Variants in FLNB observed in about 807,000 individuals in gnomAD.
FLNB encodes the protein filamin-B.
FLNB carries 111 observed loss-of-function variants against 250.6 expected under a neutral mutation model. That is an observed-to-expected ratio of 0.44 (90% CI 0.38 to 0.52). The LOEUF is 0.52. Among genes scored for constraint, FLNB ranks in the 20% least tolerant of loss-of-function variants. The probability of loss-of-function intolerance (pLI) is 0.00; values close to 1 mark genes in which losing one functional copy is unlikely to be tolerated. For missense variants in FLNB, 2,869 were observed against 3,447.8 expected (o/e 0.83, Z 4.20); for synonymous variants, 1,302 against 1,372.1 (o/e 0.95, Z 1.13).
intron 1 of FLNB, among the ~76,000 whole-genome samples, chr3:58,057,026 C>G (rs2097171661): frequency 6.6e-6 from 1 of 152,208 alleles, no homozygotes. Flanking sequence ...GTTACCCAGG[C>G]TGGCGTGCAG....
intron 9 of FLNB, among the ~76,000 whole-genome samples, chr3:58,103,176 G>A (rs938635982): frequency 1.1e-4 from 17 of 152,164 alleles, no homozygotes; most frequent in African/African-American, 4.1e-4. Flanking sequence ...TGCCCTGAGG[G>A]TAGCCGAGGT....
intron 38 of FLNB, among the ~76,000 whole-genome samples, chr3:58,152,537 G>A (rs975636925): frequency 6.7e-6 from 1 of 150,316 alleles, no homozygotes; most frequent in Admixed American, 6.6e-5. Context: ...TCACAGGGTC[G>A]CTCCACTTTC....
At chr3:58,156,708 T>C (rs149736570) in intron 41 of FLNB, among the ~76,000 whole-genome samples, 317 of 152,270 alleles carry the variant, frequency 2.1e-3, no homozygotes, top group African/African-American at 6.2e-3. Context: ...TGTTTGTTGT[T>C]GTTGTTGAGG....
At chr3:58,121,176 G>A (rs2097288191) in intron 19 of FLNB, 65 bp from the exon 20 acceptor site, 1 of 1,607,308 alleles carries the variant, frequency 6.2e-7, no homozygotes, top group African/African-American at 1.3e-5. Context: ...TTGCTTCTGT[G>A]CTCTGGATTG....
chr3:58,016,756 A>G (rs2097106364), intron 1 of FLNB, among the ~76,000 whole-genome samples: 1 of 151,946 alleles, frequency 6.6e-6, no homozygotes, highest in Admixed American at 6.6e-5. Flanking sequence ...AGTATTCTAA[A>G]TTAAGGAGCT....
chr3:58,021,736 G>A (rs1055463422), intron 1 of FLNB, among the ~76,000 whole-genome samples: 4 of 152,048 alleles, frequency 2.6e-5, no homozygotes, highest in African/African-American at 7.2e-5. Context: ...CCAAAGTTGG[G>A]CATGAGGTCC....
At chr3:58,029,461 T>C (rs913285159) in intron 1 of FLNB, among the ~76,000 whole-genome samples, 1 of 152,000 alleles carries the variant, frequency 6.6e-6, no homozygotes, top group African/African-American at 2.4e-5. Flanking sequence ...CTTTCTTCTG[T>C]TGGGTTTTTT....
chr3:58,010,759 G>A (rs2106665763), intron 1 of FLNB, among the ~76,000 whole-genome samples: 1 of 152,268 alleles, frequency 6.6e-6, no homozygotes, highest in African/African-American at 2.4e-5. Context: ...CCAAACCGCA[G>A]CACTAGCAAA....
At chr3:58,130,055 A>C (rs1330959047) in intron 24 of FLNB, among the ~76,000 whole-genome samples, 1 of 152,150 alleles carries the variant, frequency 6.6e-6, no homozygotes, top group Non-Finnish European at 1.5e-5. Context: ...GCTTACACTC[A>C]GGAAGACGGC....
chr3:58,127,325 CAAAA>C (rs879263542), intron 24 of FLNB, among the ~76,000 whole-genome samples: 1 of 117,884 alleles, frequency 8.5e-6, no homozygotes, highest in Non-Finnish European at 1.8e-5. Context: ...GACCCTGTCT[CAAAA>C]AAAAAAAAAA....
At chr3:58,146,744 T>G (rs775666588) in intron 33 of FLNB, 76 bp from the exon 34 acceptor site, 63 of 1,506,438 alleles carry the variant, frequency 4.2e-5, no homozygotes, top group Non-Finnish European at 5.5e-5. Flanking sequence ...CTGCCCTGGA[T>G]GAGTTGTTAA....
intron 1 of FLNB, among the ~76,000 whole-genome samples, chr3:58,072,611 A>G (rs79825226): frequency 2.2e-3 from 336 of 152,268 alleles, no homozygotes; most frequent in Non-Finnish European, 3.8e-3. Context: ...GCAAGTCGCC[A>G]TCTTTTTATT....
chr3:58,142,734 A>AG lies in FLNB; in HGVS notation c.5268dup (p.Lys1757GlufsTer19). 6.2e-7 allele frequency: 1 copy of AG among 1,614,184 alleles called. No homozygotes were observed. The highest frequency in any genetic ancestry group is 8.5e-7 in the Non-Finnish European group (1 of 1,179,988). ...TGACCTGGTCATTCCGTTTGCTGTC[A>AG]GGAAAGGAGAAATCACTGGTAAGCA... On this transcript the variant is annotated frameshift_variant, in exon 31 of 46. Coordinates refer to ENST00000295956, the MANE Select transcript of FLNB (RefSeq NM_001457.4). LOFTEE classifies it high-confidence loss of function. This position sits in a 1 kb window ranked among gnomAD's most constrained non-coding sequence, Gnocchi z 4.3.
At chr3:58,073,811 T>G (rs1029982481) in intron 1 of FLNB, among the ~76,000 whole-genome samples, 3 of 152,202 alleles carry the variant, frequency 2.0e-5, no homozygotes, top group African/African-American at 7.2e-5. Context: ...CATTTCTGTG[T>G]GATTGTCCCA....
chr3:58,092,755 T>C (rs796199172), intron 4 of FLNB, among the ~76,000 whole-genome samples: 2 of 152,204 alleles, frequency 1.3e-5, no homozygotes, highest in African/African-American at 4.8e-5. Flanking sequence ...TTACTGTATA[T>C]GAGAGCCACT....
chr3:58,077,588 A>G (rs1266306677), intron 2 of FLNB, among the ~76,000 whole-genome samples: 1 of 152,220 alleles, frequency 6.6e-6, no homozygotes, highest in Non-Finnish European at 1.5e-5. Context: ...TCCAGACTCC[A>G]AAATCCTGTG....
intron 1 of FLNB, among the ~76,000 whole-genome samples, chr3:58,023,975 G>A (rs2097118736): frequency 6.6e-6 from 1 of 152,204 alleles, no homozygotes; most frequent in Non-Finnish European, 1.5e-5. Context: ...TTTCAGATGT[G>A]AGCCTGACAA....
At chr3:58,082,055 CG>C (rs1251789743) in intron 4 of FLNB, among the ~76,000 whole-genome samples, 2 of 152,042 alleles carry the variant, frequency 1.3e-5, no homozygotes, top group Non-Finnish European at 2.9e-5. Context: ...AGAGGAATCG[CG>C]GGGTAGGGAG....
chr3:58,118,735 A>G, intron 18 of FLNB, 137 bp from the exon 19 acceptor site: 1 of 758,686 alleles, frequency 1.3e-6, no homozygotes, highest in East Asian at 2.5e-5. Flanking sequence ...GAAGAAATAG[A>G]TCTAAGATAC....
Sources: allele counts gnomAD v4.1 joint callset (sites outside exome capture counted in the v4.1 genomes callset), GRCh38; gene constraint gnomAD v4.1.1; non-coding constraint Gnocchi (gnomAD v3.1); transcripts MANE v1.5; gene names NCBI Gene and HGNC (gene_info 2026-07-23, HGNC 2026-07-21).